The following TRAPPC12 variants were observed in gnomAD, a reference collection of about 807,000 sequenced individuals.
TRAPPC12 encodes trafficking protein particle complex subunit 12.
Under a neutral mutation model 69.2 loss-of-function variants are expected in TRAPPC12, and 61 were observed. That is an observed-to-expected ratio of 0.88 (90% confidence interval 0.72 to 1.09). The LOEUF is 1.09. Ranked by LOEUF, TRAPPC12 falls within the 50% of genes least tolerant of loss-of-function variation. The pLI is 0.00. For synonymous variants in TRAPPC12, 469 were observed against 438.9 expected (o/e 1.07, Z -0.86); for missense variants, 1,101 against 1,016.4 (o/e 1.08, Z -1.13).
intron 5 of TRAPPC12, among the ~76,000 whole-genome samples, chr2:3,440,946 G>C (rs1240442139): frequency 2.0e-5 from 3 of 152,164 alleles, no homozygotes; most frequent in African/African-American, 7.2e-5. Context: ...TGATGTGGTA[G>C]ATTATGTTAA....
chr2:3,396,999 G>GAAAGA (rs1014161603), intron 2 of TRAPPC12, among the ~76,000 whole-genome samples: 2 of 152,068 alleles, frequency 1.3e-5, no homozygotes, highest in East Asian at 3.8e-4. Context: ...AAAAAGGAAA[G>GAAAGA]AAAGAAAAGA....
At chr2:3,384,333 G>A (rs573773582) in intron 1 of TRAPPC12, among the ~76,000 whole-genome samples, 3 of 152,158 alleles carry the variant, frequency 2.0e-5, no homozygotes, top group East Asian at 1.9e-4. Context: ...AATCCTGCCC[G>A]AGGACTCCAG....
intron 9 of TRAPPC12, among the ~76,000 whole-genome samples, chr2:3,474,194 C>T (rs1016019628): frequency 6.6e-6 from 1 of 152,172 alleles, no homozygotes; most frequent in African/African-American, 2.4e-5. Context: ...GGACAGGACT[C>T]ATAGAATAGA....
chr2:3,392,736 GA>G (rs1172047582), intron 2 of TRAPPC12, among the ~76,000 whole-genome samples: 1 of 152,200 alleles, frequency 6.6e-6, no homozygotes, highest in Non-Finnish European at 1.5e-5. Flanking sequence ...CTGTTGGTGG[GA>G]ATGTAAATTA....
In TRAPPC12 at chr2:3,388,220, C is replaced by T. The variant is rs373989948; in HGVS notation, c.597C>T (p.Val199=). The change falls in exon 2 of 12, where the codon GTC becomes GTT. Residue 199 remains valine (V), a synonymous_variant. Transcript: ENST00000324266. Reference sequence around the variant, plus strand: ...CCTCGGCCAGGACACCGCCCCAGGTCGTGCAGCCCAGCCCCAGCCTCAGCA... The same window carrying T: ...CCTCGGCCAGGACACCGCCCCAGGTTGTGCAGCCCAGCCCCAGCCTCAGCA... The part of the protein sequence containing the change: ...SEASARTPPQ[V]VQPSPSLSTF... 4 of 1,608,586 alleles carry T rather than the reference C, an allele frequency of 2.5e-6. No homozygotes were observed. Among genetic ancestry groups the T allele is most frequent in the African/African-American group, 1.3e-5 (1 of 74,136 alleles).
chr2:3,425,010 C>A (rs1663019183), intron 5 of TRAPPC12, among the ~76,000 whole-genome samples: 1 of 152,126 alleles, frequency 6.6e-6, no homozygotes, highest in African/African-American at 2.4e-5. Flanking sequence ...CACAGAGATG[C>A]AGAGCGGTGG....
At chr2:3,400,604 C>T (rs541064710) in intron 2 of TRAPPC12, among the ~76,000 whole-genome samples, 3 of 152,276 alleles carry the variant, frequency 2.0e-5, no homozygotes, top group South Asian at 2.1e-4. Context: ...GTGTGAGAGG[C>T]GTCTCCTGCC....
intron 3 of TRAPPC12, among the ~76,000 whole-genome samples, chr2:3,416,910 C>G (rs1202390091): frequency 2.9e-5 from 4 of 137,414 alleles, no homozygotes; most frequent in African/African-American, 1.1e-4. Flanking sequence ...CTTCACTGTG[C>G]CCTCCCCCTG....
chr2:3,449,455 C>T (rs1021130715), intron 6 of TRAPPC12: 1 of 152,400 alleles, frequency 6.6e-6, no homozygotes, highest in Non-Finnish European at 1.5e-5. Context: ...TACAGACTCA[C>T]TCCCAGCTGG....
chr2:3,422,205 A>G (rs1396298676), intron 4 of TRAPPC12, among the ~76,000 whole-genome samples: 1 of 152,194 alleles, frequency 6.6e-6, no homozygotes, highest in Admixed American at 6.5e-5. Context: ...GCACGCTCAC[A>G]AGTGCCCACA....
chr2:3,416,382 C>T (rs1448093968), intron 3 of TRAPPC12, among the ~76,000 whole-genome samples: 1 of 152,116 alleles, frequency 6.6e-6, no homozygotes, highest in African/African-American at 2.4e-5. Context: ...ATTCTGTGAG[C>T]TTTCCTGTGT....
At position 3,425,540 on chromosome 2, in the gene TRAPPC12, T is replaced by C. The variant is rs544626281; in HGVS notation, c.1417+877T>C. On this transcript the variant is annotated intron_variant, in intron 5 of 11. Coordinates refer to ENST00000324266, the MANE Select transcript of TRAPPC12 (RefSeq NM_016030.6). ...CTGGGTTGTCCTAAAGATCAAATGATGTCACGTGTAAGTTGCTTGGAATAA... is the reference window on the plus strand; with the variant it reads ...CTGGGTTGTCCTAAAGATCAAATGACGTCACGTGTAAGTTGCTTGGAATAA... 6.6e-5 allele frequency among the ~76,000 whole-genome samples: 10 copies of C among 152,324 alleles called. No homozygotes were observed. The East Asian group carries it at 1.7e-3, about 26-fold the overall frequency.
intron 6 of TRAPPC12, among the ~76,000 whole-genome samples, 156 bp from the exon 7 acceptor site, chr2:3,457,465 T>A (rs989435742): frequency 5.3e-5 from 8 of 152,206 alleles, no homozygotes; most frequent in Non-Finnish European, 1.0e-4. Flanking sequence ...AAATAAAATA[T>A]CAAATGTTTT....
chr2:3,380,689 TAC>T (rs1172982517), intron 1 of TRAPPC12, among the ~76,000 whole-genome samples: 1 of 152,216 alleles, frequency 6.6e-6, no homozygotes, highest in Non-Finnish European at 1.5e-5. Flanking sequence ...AATGAAATAT[TAC>T]ACAGTGTTAC....
At chr2:3,401,673 A>T (rs891244926) in intron 2 of TRAPPC12, 104 bp from the exon 3 acceptor site, 2 of 646,130 alleles carry the variant, frequency 3.1e-6, no homozygotes, top group Non-Finnish European at 5.1e-6. Flanking sequence ...TTACCTCCAC[A>T]AGCCAGTGGA....
chr2:3,442,373 G>A (rs1050730116), intron 5 of TRAPPC12, among the ~76,000 whole-genome samples: 8 of 152,198 alleles, frequency 5.3e-5, no homozygotes, highest in Non-Finnish European at 1.0e-4. Flanking sequence ...TGGAAGTGAC[G>A]TGGCTTACAT....
intron 9 of TRAPPC12, among the ~76,000 whole-genome samples, chr2:3,472,780 G>A (rs1666121935): frequency 6.6e-6 from 1 of 152,194 alleles, no homozygotes; most frequent in African/African-American, 2.4e-5. Flanking sequence ...AACGATTCAT[G>A]GCACTAGCAT....
At chr2:3,409,704 C>T (rs1290111976) in intron 3 of TRAPPC12, among the ~76,000 whole-genome samples, 6 of 137,888 alleles carry the variant, frequency 4.4e-5, no homozygotes, top group Admixed American at 1.6e-4. Context: ...GAGCCCTGAT[C>T]GCACCACTGC....
intron 2 of TRAPPC12, among the ~76,000 whole-genome samples, chr2:3,392,834 T>C (rs1439281221): frequency 6.6e-6 from 1 of 152,264 alleles, no homozygotes; most frequent in African/African-American, 2.4e-5. Context: ...ATTCTGGGTA[T>C]GTATCCAAAG....
Sources: gnomAD v4.1 joint callset for allele counts (sites outside exome capture counted in the v4.1 genomes callset) on GRCh38, gnomAD v4.1.1 for gene constraint, MANE v1.5 for transcripts, NCBI Gene and HGNC (gene_info 2026-07-23, HGNC 2026-07-21) for gene names.